The following PCM1 variants were observed in gnomAD, a reference collection of about 807,000 sequenced individuals.
PCM1 encodes the protein pericentriolar material 1 protein.
In PCM1, 157 loss-of-function variants were observed where a neutral mutation model predicts 241.9. The observed-to-expected ratio is 0.65, with a 90% CI of 0.57 to 0.74. The LOEUF (loss-of-function observed/expected upper bound fraction) is 0.74. PCM1 is among the 30% of genes least tolerant of loss of function. The probability of loss-of-function intolerance (pLI) is 0.00; values close to 1 mark genes in which losing one functional copy is unlikely to be tolerated. For missense variants in PCM1, 3,478 were observed against 2,360.1 expected, an observed-to-expected ratio of 1.47 and a Z score of -9.81; for synonymous variants, 1,085 against 784.9, an observed-to-expected ratio of 1.38 and a Z score of -6.39.
chr8:17,971,657 T>C (rs1458983054), intron 22 of PCM1, among the ~76,000 whole-genome samples: 1 of 152,260 alleles, frequency 6.6e-6, no homozygotes, highest in Admixed American at 6.5e-5. Context: ...AATCCATGTA[T>C]GTTCCCAAGC....
In PCM1 at chr8:17,985,960, A is replaced by G. The variant is rs894737686; in HGVS notation, c.4283A>G (p.Asp1428Gly). 6.5e-7 allele frequency: 1 copy of G among 1,529,768 alleles called. No individual in the cohort carries two copies. Among genetic ancestry groups the G allele is most frequent in the African/African-American group, 1.4e-5 (1 of 72,458 alleles). The allele number at this position is 1,529,768 out of a possible 1,614,324, so 94.8% of individuals were successfully genotyped here. The part of the protein sequence containing the change: ...LRQRALYALQ[D>G]IVSRHISESH... ...TGATGATCTTATTTTCTTATTTAGG[A>G]CATAGTATCCAGACATATTTCTGAG... The change falls in exon 26 of 39, where the codon GAC becomes GGC. Residue 1428 changes from aspartate to glycine, a missense_variant and splice_region_variant. Physicochemically the swap from Asp to Gly is moderately conservative, Grantham distance 94. Transcript: ENST00000325083.
chr8:17,966,934 A>G (rs1208398621), intron 20 of PCM1, 46 bp from the exon 21 acceptor site: 6 of 1,483,510 alleles, frequency 4.0e-6, no homozygotes, highest in Non-Finnish European at 5.5e-6. Context: ...CTTTATATAT[A>G]TGGCAATATA....
In PCM1 at chr8:18,025,574, G is replaced by C. The variant is rs1416768523; in HGVS notation, c.5965G>C (p.Glu1989Gln). The C allele has an allele frequency of 4.4e-6, 7 of 1,582,346 alleles. No homozygotes were observed. The African/African-American group carries it at 5.4e-5, about 12-fold the overall frequency. Residue 1989 changes from glutamate to glutamine, a missense_variant, in exon 38 of 39, where the codon GAA (glutamate) becomes CAA (glutamine). Glu to Gln is a conservative substitution (Grantham distance 29). Transcript: ENST00000325083. ...TCTAAGAAAGAAAATGGTAGAAGAA[G>C]AACAGAAAAACCATTTATCTGGTGA... ...ADLRKKMVEE[E>Q]QKNHLSGEIC...
Position 17,962,020 on chromosome 8 carries a change from G to T in PCM1, c.2323-14G>T, listed in dbSNP as rs756607969. ...TTTAATTCCTCATAACGTTTTTTGT[G>T]AATTCCTTTTTAGCTGTCAGCTGCT... On this transcript the variant is annotated splice_polypyrimidine_tract_variant and intron_variant, in intron 15 of 38. Coordinates refer to ENST00000325083, the MANE Select transcript of PCM1 (RefSeq NM_006197.4). 5 of 1,594,928 alleles carry T rather than the reference G, an allele frequency of 3.1e-6. No homozygotes were observed. Among genetic ancestry groups the T allele is most frequent in the Admixed American group, 1.8e-5 (1 of 56,502 alleles).
At position 17,966,234 on chromosome 8, in the gene PCM1, A is replaced by C. The variant is rs1352999189; in HGVS notation, c.3075+16A>C. 1 of 1,610,460 alleles carries C rather than the reference A, an allele frequency of 6.2e-7. No individual in the cohort carries two copies. Among genetic ancestry groups the C allele is most frequent in the Non-Finnish European group, 8.5e-7 (1 of 1,177,272 alleles). On this transcript the variant is annotated intron_variant, in intron 19 of 38. Coordinates refer to ENST00000325083, the MANE Select transcript of PCM1 (RefSeq NM_006197.4). ...AGACCAGCAGGTAAAATTTGCTATG[A>C]AAGTATATTTTTCGTCTATTTTTAT...
At chr8:17,934,660 G>C (rs2059946225) in intron 2 of PCM1, 1 of 151,956 alleles carries the variant, frequency 6.6e-6, no homozygotes, top group Non-Finnish European at 1.5e-5. Context: ...GACTTTTCAT[G>C]TCCCTTGAAT....
In PCM1 at chr8:18,028,546, G is replaced by T; in HGVS notation, c.*884G>T. On this transcript the variant is annotated 3_prime_UTR_variant, in exon 39 of 39. Transcript: ENST00000325083. ...GCCTTCAGATAAACTTGCCTATTGA[G>T]ATGGTAATTTAAAGCCAAAGCATAG... 4.9e-6 allele frequency: 1 copy of T among 203,906 alleles called. No individual in the cohort carries two copies. Among genetic ancestry groups the T allele is most frequent in the Non-Finnish European group, 1.0e-5 (1 of 99,390 alleles). 12.6% of individuals were successfully genotyped at this position (203,906 alleles called of 1,614,324 possible). A position where few individuals can be genotyped will look rare whatever the true frequency, so the allele number is the denominator to read the frequency against.
At chr8:18,008,420 A>G (rs1253823247) in intron 30 of PCM1, among the ~76,000 whole-genome samples, 3 of 152,116 alleles carry the variant, frequency 2.0e-5, no homozygotes, top group African/African-American at 4.8e-5. Context: ...GGTGAGTTGT[A>G]TAATTATTTC....
chr8:17,943,344 C>A (rs796538417), intron 6 of PCM1, among the ~76,000 whole-genome samples: 2 of 151,982 alleles, frequency 1.3e-5, no homozygotes, highest in African/African-American at 4.8e-5. Flanking sequence ...GTAAAATGTG[C>A]CCCAGTTCAC....
Position 18,028,006 on chromosome 8 carries a change from C to T in PCM1, c.*344C>T, listed in dbSNP as rs1323526866. The T allele has an allele frequency of 8.1e-6, 2 of 246,728 alleles. No homozygotes were observed. Among genetic ancestry groups the T allele is most frequent in the Non-Finnish European group, 1.6e-5 (2 of 128,242 alleles). The allele number at this position is 246,728 out of a possible 1,614,324, so 15.3% of individuals were successfully genotyped here. On this transcript the variant is annotated 3_prime_UTR_variant, in exon 39 of 39. Transcript: ENST00000325083. ...TTTGGAAATTATATTGAATTCTATA[C>T]AGCAAGTCAATGTTTTATATAACTT...
intron 2 of PCM1, chr8:17,926,354 G>A (rs1211808540): frequency 6.6e-6 from 1 of 152,180 alleles, no homozygotes; most frequent in East Asian, 1.9e-4. Context: ...GAACTAAGAA[G>A]ACAACCAGAA....
At chr8:18,016,801 T>C (rs949031824) in intron 36 of PCM1, among the ~76,000 whole-genome samples, 21 of 152,218 alleles carry the variant, frequency 1.4e-4, no homozygotes, top group African/African-American at 4.8e-4. Context: ...CTCTGGACGA[T>C]GTGACAGAAA....
In PCM1 at chr8:17,937,213, G is replaced by C. The variant is rs766446216; in HGVS notation, c.176G>C (p.Arg59Thr). Residue 59 changes from arginine to threonine, a missense_variant, in exon 4 of 39, where the codon AGA becomes ACA. Coordinates refer to ENST00000325083, the MANE Select transcript of PCM1 (RefSeq NM_006197.4). The stretch of plus-strand genomic sequence containing the variant: ...AAGTTTGGTGTAGAAAGTGATAAAA[G>C]AGTAACCAATGATATTTCTCCGGAG... ...KKKFGVESDK[R>T]VTNDISPESS... The C allele has an allele frequency of 1.9e-6, 3 of 1,605,614 alleles. No individual in the cohort carries two copies. Among genetic ancestry groups the C allele is most frequent in the Admixed American group, 1.7e-5 (1 of 59,034 alleles).
Position 18,018,834 on chromosome 8 carries a change from A to ATG in PCM1, c.5841+3995_5841+3996insGT, listed in dbSNP as rs1362751084. ...CAAAAAAAAAAAAATATGTATATAT[A>ATG]TATATGTGTGTGTGTGTGTATATAT... On this transcript the variant is annotated intron_variant, in intron 36 of 38. Transcript: ENST00000325083. Among the ~76,000 whole-genome samples, 189 of 67,280 alleles carry ATG rather than the reference A, an allele frequency of 2.8e-3. 3 individuals are homozygous for ATG. Among genetic ancestry groups the ATG allele is most frequent in the African/African-American group, 0.01 (170 of 16,776 alleles). The allele number at this position is 67,280 out of a possible 152,430, so 44.1% of individuals were successfully genotyped here.
chr8:18,000,909 A>G (rs1242801572), intron 29 of PCM1, among the ~76,000 whole-genome samples: 1 of 152,196 alleles, frequency 6.6e-6, no homozygotes, highest in Non-Finnish European at 1.5e-5. Flanking sequence ...GTGCCAGCCA[A>G]GAGTTTTATT....
At chr8:17,944,671 TC>T (rs1192606841) in intron 6 of PCM1, among the ~76,000 whole-genome samples, 1 of 152,136 alleles carries the variant, frequency 6.6e-6, no homozygotes, top group Non-Finnish European at 1.5e-5. Context: ...GGTGCCATCT[TC>T]CTGGTATGTT....
At chr8:17,940,407 ATTGTTT>A (rs2061672139) in intron 6 of PCM1, among the ~76,000 whole-genome samples, 1 of 152,182 alleles carries the variant, frequency 6.6e-6, no homozygotes, top group African/African-American at 2.4e-5. Context: ...TTATAGAAAC[ATTGTTT>A]TTGTAGTTTG....
At chr8:17,971,252 T>C (rs1388473818) in intron 22 of PCM1, among the ~76,000 whole-genome samples, 1 of 152,208 alleles carries the variant, frequency 6.6e-6, no homozygotes, top group East Asian at 1.9e-4. Context: ...AAGTTACAGG[T>C]TTCTAACCCT....
intron 11 of PCM1, 93 bp from the exon 12 acceptor site, chr8:17,957,171 G>T: frequency 2.1e-6 from 2 of 969,430 alleles, no homozygotes; most frequent in African/African-American, 1.6e-5. Flanking sequence ...AATGTGCTTG[G>T]TTTGGTGTTA....
Sources: allele counts gnomAD v4.1 joint callset (sites outside exome capture counted in the v4.1 genomes callset), GRCh38; gene constraint gnomAD v4.1.1; transcripts MANE v1.5; gene names NCBI Gene and HGNC (gene_info 2026-07-23, HGNC 2026-07-21).